FBXL2: variants seen among roughly 807,000 people sequenced by gnomAD.
FBXL2 encodes the protein F-box and leucine rich repeat protein 2.
In FBXL2, 38 loss-of-function variants were observed where a neutral mutation model predicts 69.2. The ratio of observed to expected loss-of-function variants is 0.55; its 90% confidence interval spans 0.42 to 0.72. The LOEUF (loss-of-function observed/expected upper bound fraction) is 0.72. FBXL2 is among the 30% of genes least tolerant of loss of function. The pLI is 0.00. For missense variants in FBXL2, 354 were observed against 520.3 expected (o/e 0.68, Z 3.11); for synonymous variants, 192 against 201.3 (o/e 0.95, Z 0.39).
chr3:33,387,032 T>TTTTA lies in FBXL2; in HGVS notation c.*1425_*1426insTTAT, dbSNP rs1553667312. On this transcript the variant is annotated 3_prime_UTR_variant, in exon 15 of 15. Coordinates refer to ENST00000484457, the MANE Select transcript of FBXL2 (RefSeq NM_012157.5). ...GCTGCATTCTAGGAAGAGAAGCAGATTATATATATATATAATCTCCCCATA... is the reference window on the plus strand; with the variant it reads ...GCTGCATTCTAGGAAGAGAAGCAGATTTTATATATATATATATAATCTCCCCATA... 1.3e-5 allele frequency: 2 copies of TTTTA among 151,532 alleles called. No individual in the cohort carries two copies. The highest frequency in any genetic ancestry group is 1.3e-4 in the Admixed American group (2 of 15,162). The allele number at this position is 151,532 out of a possible 1,614,324, so 9.4% of individuals were successfully genotyped here. A position where few individuals can be genotyped will look rare whatever the true frequency, so the allele number is the denominator to read the frequency against.
intron 9 of FBXL2, among the ~76,000 whole-genome samples, chr3:33,374,214 A>G (rs1374755258): frequency 6.6e-6 from 1 of 152,230 alleles, no homozygotes; most frequent in Non-Finnish European, 1.5e-5. Flanking sequence ...GAATGCAGTG[A>G]ATTGGTCACT....
chr3:33,392,533 C>G, downstream of FBXL2: 1 of 1,583,606 alleles, frequency 6.3e-7, no homozygotes, highest in African/African-American at 1.4e-5. Context: ...ATGATTCCAG[C>G]ATTTTAAGAC....
downstream of FBXL2, chr3:33,392,464 A>G: frequency 2.0e-6 from 2 of 1,016,258 alleles, no homozygotes; most frequent in East Asian, 2.7e-5. Context: ...AAATGAGTAA[A>G]GCAATCATTT....
intron 12 of FBXL2, 72 bp downstream of exon 12, chr3:33,378,219 G>T: frequency 2.8e-6 from 4 of 1,441,376 alleles, no homozygotes; most frequent in Non-Finnish European, 3.9e-6. Flanking sequence ...AGCACAGCCA[G>T]AGACACTGAC....
chr3:33,408,698 G>A, the FBXL2 span: 6 of 1,613,190 alleles, frequency 3.7e-6, no homozygotes, highest in Non-Finnish European at 5.1e-6. Context: ...ACACTGCCTC[G>A]CTTTGCCAGA....
At chr3:33,330,747 G>A (rs1456002469) in intron 2 of FBXL2, among the ~76,000 whole-genome samples, 1 of 152,042 alleles carries the variant, frequency 6.6e-6, no homozygotes, top group Non-Finnish European at 1.5e-5. Context: ...AGATTAGCCA[G>A]GTGTAGTGGC....
intron 12 of FBXL2, among the ~76,000 whole-genome samples, chr3:33,395,796 C>T (rs1559667008): frequency 6.8e-6 from 1 of 147,998 alleles, no homozygotes; most frequent in Non-Finnish European, 1.5e-5. Flanking sequence ...AAAAACCCTC[C>T]TGCTTTTTTG....
intron 2 of FBXL2, among the ~76,000 whole-genome samples, chr3:33,345,774 A>G (rs749728081): frequency 1.3e-5 from 2 of 152,210 alleles, no homozygotes; most frequent in African/African-American, 4.8e-5. Context: ...AGATTAAACA[A>G]CACATTTCTA....
chr3:33,368,816 G>A (rs992013609), intron 5 of FBXL2, among the ~76,000 whole-genome samples: 3 of 151,972 alleles, frequency 2.0e-5, no homozygotes, highest in African/African-American at 7.3e-5. Context: ...TTGATCTCCT[G>A]ACCTTGTGAT....
chr3:33,288,876 T>C (rs1424003424), intron 1 of FBXL2, among the ~76,000 whole-genome samples: 2 of 152,058 alleles, frequency 1.3e-5, no homozygotes. Context: ...TGGAGTAAAA[T>C]TAGGGGAGAA....
intron 13 of FBXL2, 96 bp downstream of exon 13, chr3:33,378,837 A>G (rs1559636932): frequency 1.2e-6 from 2 of 1,605,086 alleles, no homozygotes; most frequent in East Asian, 2.2e-5. Context: ...TCTGTAAGGT[A>G]TCATCTCTCT....
intron 13 of FBXL2, chr3:33,382,414 G>A (rs927660543): frequency 2.0e-5 from 3 of 152,066 alleles, no homozygotes; most frequent in East Asian, 3.9e-4. Flanking sequence ...TCCCCCAAAA[G>A]TCGTGACTTC....
chr3:33,396,743 A>C, intron 12 of FBXL2: 1 of 568,844 alleles, frequency 1.8e-6, no homozygotes, highest in Non-Finnish European at 3.3e-6. Flanking sequence ...TGTATAGCTC[A>C]CCTAAATTAG....
chr3:33,393,235 A>G, intron 12 of FBXL2: 1 of 1,405,590 alleles, frequency 7.1e-7, no homozygotes, highest in Non-Finnish European at 9.5e-7. Flanking sequence ...AGGTCACAGA[A>G]TTTTTCTACA....
intron 2 of FBXL2, among the ~76,000 whole-genome samples, chr3:33,347,072 C>T (rs948497304): frequency 2.0e-5 from 3 of 152,246 alleles, no homozygotes; most frequent in African/African-American, 7.2e-5. Flanking sequence ...TTTCTAACTA[C>T]TTTTCTTACC....
At chr3:33,295,923 C>T (rs1021956357) in intron 1 of FBXL2, among the ~76,000 whole-genome samples, 2 of 152,098 alleles carry the variant, frequency 1.3e-5, no homozygotes, top group Non-Finnish European at 2.9e-5. Flanking sequence ...ATTGGGTTGT[C>T]TTTTATTGAG....
intron 2 of FBXL2, among the ~76,000 whole-genome samples, chr3:33,309,908 C>T (rs1240815203): frequency 1.3e-5 from 2 of 152,076 alleles, no homozygotes; most frequent in South Asian, 2.1e-4. Flanking sequence ...CGCCTGTAAT[C>T]CCAGCACTTT....
chr3:33,296,098 C>T (rs981300086), intron 1 of FBXL2, among the ~76,000 whole-genome samples: 7 of 152,072 alleles, frequency 4.6e-5, no homozygotes, highest in Admixed American at 6.6e-5. Flanking sequence ...CAGGGTCTTG[C>T]TTTGTAACCC....
the FBXL2 span, chr3:33,416,985 T>C: frequency 6.3e-6 from 4 of 634,902 alleles, no homozygotes; most frequent in Non-Finnish European, 1.1e-5. Flanking sequence ...ATCCTTCTCT[T>C]CCCTGAAAAT....
Sources: gnomAD v4.1 joint callset for allele counts (sites outside exome capture counted in the v4.1 genomes callset) on GRCh38, gnomAD v4.1.1 for gene constraint, MANE v1.5 for transcripts, NCBI Gene and HGNC (gene_info 2026-07-23, HGNC 2026-07-21) for gene names.